The following SUMF1 variants were observed in gnomAD, a reference collection of about 807,000 sequenced individuals.
SUMF1 encodes the protein formylglycine-generating enzyme.
SUMF1 carries 48 observed loss-of-function variants against 47.6 expected under a neutral mutation model. That is an observed-to-expected ratio of 1.01 (90% confidence interval 0.80 to 1.28). SUMF1 has a LOEUF of 1.28. Ranked by LOEUF, SUMF1 falls within the 50% of genes most tolerant of loss-of-function variation. The probability of loss-of-function intolerance (pLI) is 0.00; values close to 1 mark genes in which losing one functional copy is unlikely to be tolerated. For synonymous variants in SUMF1, 230 were observed against 192.1 expected (o/e 1.20, Z -1.63); for missense variants, 571 against 485.4 (o/e 1.18, Z -1.66).
chr3:4,360,326 T>C (rs1255334613), downstream of SUMF1, among the ~76,000 whole-genome samples: 1 of 151,628 alleles, frequency 6.6e-6, no homozygotes, highest in Non-Finnish European at 1.5e-5. Flanking sequence ...ATGACTTTTT[T>C]TTTTTTTTCT....
Position 4,167,892 on chromosome 3 carries a change from T to C in SUMF1, c.1015-99147A>G, listed in dbSNP as rs141301207. 1.1e-4 allele frequency among the ~76,000 whole-genome samples: 16 copies of C among 152,200 alleles called. No homozygotes were observed. In the East Asian group the frequency reaches 2.9e-3, roughly 28 times the overall value. On this transcript the variant is annotated intron_variant and NMD_transcript_variant, in intron 8 of 12. Coordinates refer to the SUMF1 transcript ENST00000448413. ...TCACTTGCTAACTACTTTTTAGATA[T>C]AGGAGGAAGATAAAGCAGGCATCTC... is the stretch of plus-strand genomic sequence containing the variant.
At chr3:4,066,246 T>A (rs1450378142) in intron 9 of SUMF1, among the ~76,000 whole-genome samples, 1 of 151,792 alleles carries the variant, frequency 6.6e-6, no homozygotes, top group Non-Finnish European at 1.5e-5. Flanking sequence ...ATGATATCAG[T>A]TCAGTCAACT....
chr3:4,358,174 G>A (rs553110661), downstream of SUMF1, among the ~76,000 whole-genome samples: 3 of 151,574 alleles, frequency 2.0e-5, no homozygotes, highest in South Asian at 6.3e-4. Context: ...TTCTAATCAC[G>A]TTTACAGCTT....
At chr3:4,142,539 T>C (rs1243840930) in intron 8 of SUMF1, among the ~76,000 whole-genome samples, 1 of 152,162 alleles carries the variant, frequency 6.6e-6, no homozygotes, top group Non-Finnish European at 1.5e-5. Context: ...AAGCAATTAC[T>C]ATTCATTGCA....
chr3:4,394,125 A>AT (rs1012898138), intron 7 of SUMF1, among the ~76,000 whole-genome samples: 1 of 152,014 alleles, frequency 6.6e-6, no homozygotes, highest in Admixed American at 6.6e-5. Flanking sequence ...TTTTATTATT[A>AT]TTTTTTTAAA....
chr3:4,207,886 T>C (rs1033474393), intron 8 of SUMF1, among the ~76,000 whole-genome samples: 4 of 152,008 alleles, frequency 2.6e-5, no homozygotes, highest in Non-Finnish European at 4.4e-5. Flanking sequence ...TAATTGACAA[T>C]TGCTGGAGAC....
At chr3:4,153,744 C>G (rs73118419) in intron 8 of SUMF1, among the ~76,000 whole-genome samples, 3 of 151,434 alleles carry the variant, frequency 2.0e-5, no homozygotes, top group Non-Finnish European at 4.4e-5. Context: ...TATTGTAAAA[C>G]ATATTCCATT....
At chr3:4,223,539 C>T (rs1433432030) in intron 8 of SUMF1, among the ~76,000 whole-genome samples, 1 of 151,990 alleles carries the variant, frequency 6.6e-6, no homozygotes, top group African/African-American at 2.4e-5. Context: ...TACTTCCACA[C>T]TGGTTTCGTG....
chr3:4,335,954 C>A (rs1212056974), intron 8 of SUMF1, among the ~76,000 whole-genome samples: 1 of 24,208 alleles, frequency 4.1e-5, no homozygotes, highest in Non-Finnish European at 6.7e-5. Flanking sequence ...GAGTGAGATT[C>A]CAACTCAAAA....
chr3:4,313,654 T>C, intron 8 of SUMF1: 1 of 1,614,060 alleles, frequency 6.2e-7, no homozygotes, highest in South Asian at 1.1e-5. Context: ...CAGTTCTCTG[T>C]ACTGCCCCGT....
At chr3:4,131,222 GA>G (rs1264441349) in intron 8 of SUMF1, among the ~76,000 whole-genome samples, 16 of 152,116 alleles carry the variant, frequency 1.1e-4, no homozygotes, top group Admixed American at 1.0e-3. Flanking sequence ...TCATCAAATG[GA>G]AGTGGTATAT....
chr3:4,160,196 T>G (rs1694543481), intron 8 of SUMF1, among the ~76,000 whole-genome samples: 1 of 152,146 alleles, frequency 6.6e-6, no homozygotes, highest in African/African-American at 2.4e-5. Flanking sequence ...CTCTTAGATT[T>G]GCCCTTTTGA....
At chr3:4,221,024 T>G (rs990680984) in intron 8 of SUMF1, among the ~76,000 whole-genome samples, 1 of 152,170 alleles carries the variant, frequency 6.6e-6, no homozygotes, top group Non-Finnish European at 1.5e-5. Flanking sequence ...CACTATGACT[T>G]CTTTAATCAG....
At chr3:4,257,600 G>T (rs1373627431) in intron 8 of SUMF1, among the ~76,000 whole-genome samples, 57 of 146,988 alleles carry the variant, frequency 3.9e-4, no homozygotes, top group Admixed American at 2.7e-4. Context: ...CACTGCTCAA[G>T]GAAATAAAAG....
chr3:4,116,955 A>C lies in SUMF1; in HGVS notation c.1015-48210T>G, dbSNP rs140930524. Reference sequence around the variant, plus strand: ...ACTTTGCATAAAACAAAGTTTGCAAACAGCTAATGAATGCTAGGTGAACAA... The same window carrying C: ...ACTTTGCATAAAACAAAGTTTGCAACCAGCTAATGAATGCTAGGTGAACAA... On this transcript the variant is annotated intron_variant and NMD_transcript_variant, in intron 8 of 12. Transcript: ENST00000448413. Among the ~76,000 whole-genome samples, 8 of 152,218 alleles carry C rather than the reference A, an allele frequency of 5.3e-5. No individual in the cohort carries two copies. In the East Asian group the frequency reaches 1.2e-3, roughly 22 times the overall value.
intron 8 of SUMF1, among the ~76,000 whole-genome samples, chr3:4,273,059 C>T (rs1416618751): frequency 6.7e-6 from 1 of 149,490 alleles, no homozygotes; most frequent in Non-Finnish European, 1.5e-5. Context: ...GGCTCTGTCT[C>T]CAAAATATAT....
downstream of SUMF1, among the ~76,000 whole-genome samples, chr3:4,357,697 C>T (rs928534633): frequency 1.6e-4 from 25 of 151,796 alleles, no homozygotes; most frequent in Non-Finnish European, 5.9e-5. Flanking sequence ...CAACCTCTGC[C>T]TCCCGACTTC....
At chr3:4,143,079 T>G (rs1694110443) in intron 8 of SUMF1, among the ~76,000 whole-genome samples, 1 of 152,110 alleles carries the variant, frequency 6.6e-6, no homozygotes, top group Non-Finnish European at 1.5e-5. Context: ...TGAGCCTCGA[T>G]CGGCTATTTG....
intron 3 of SUMF1, among the ~76,000 whole-genome samples, chr3:4,425,970 C>A (rs1216582545): frequency 5.9e-5 from 9 of 152,168 alleles, no homozygotes; most frequent in Non-Finnish European, 1.3e-4. Flanking sequence ...CATCAGATCT[C>A]ATGAGACTTC....
Sources: gnomAD v4.1 joint callset for allele counts (sites outside exome capture counted in the v4.1 genomes callset) on GRCh38, gnomAD v4.1.1 for gene constraint, MANE v1.5 for transcripts, NCBI Gene and HGNC (gene_info 2026-07-23, HGNC 2026-07-21) for gene names.